The following HEATR3 variants were observed in gnomAD, a reference collection of about 807,000 sequenced individuals.
The protein encoded by HEATR3 is HEAT repeat containing 3.
In HEATR3, 56 loss-of-function variants were observed where a neutral mutation model predicts 72.8. That is an observed-to-expected ratio of 0.77 (90% CI 0.62 to 0.96). HEATR3 has a LOEUF of 0.96. HEATR3 is among the 40% of genes least tolerant of loss of function. The pLI is 0.00. For synonymous variants in HEATR3, 331 were observed against 318.1 expected (o/e 1.04, Z -0.43); for missense variants, 747 against 831.4 (o/e 0.90, Z 1.25).
rs776960993 is a variant in HEATR3, at chr16:50,078,693, A to G, written c.764-48A>G. 1.2e-5 allele frequency: 18 copies of G among 1,547,818 alleles called. No individual in the cohort carries two copies. The Admixed American group carries it at 3.1e-4, about 27-fold the overall frequency. Reference sequence around the variant, plus strand: ...AGTCTTGTGAAAACTTAAACTTAGTAAAATATTTCACAGGCATTTCTTATC... The same window carrying G: ...AGTCTTGTGAAAACTTAAACTTAGTGAAATATTTCACAGGCATTTCTTATC... On this transcript the variant is annotated intron_variant, in intron 6 of 14. Transcript: ENST00000299192.
intron 7 of HEATR3, among the ~76,000 whole-genome samples, chr16:50,080,867 A>G (rs1012231162): frequency 6.6e-6 from 1 of 152,034 alleles, no homozygotes; most frequent in Non-Finnish European, 1.5e-5. Context: ...GTTTCTGTTG[A>G]TCCTATCTGA....
chr16:50,084,716 A>G (rs1251272630), intron 10 of HEATR3, 65 bp downstream of exon 10: 2 of 1,263,548 alleles, frequency 1.6e-6, no homozygotes, highest in East Asian at 4.6e-5. Flanking sequence ...ATGGGCTATT[A>G]AATAGAAGGT....
At chr16:50,104,253 A>T (rs1359511077) in intron 14 of HEATR3, among the ~76,000 whole-genome samples, 1 of 152,070 alleles carries the variant, frequency 6.6e-6, no homozygotes, top group Admixed American at 6.6e-5. Context: ...CTGTGGTGGC[A>T]GAGGCAGGAG....
At chr16:50,081,315 C>T (rs894282811) in intron 7 of HEATR3, among the ~76,000 whole-genome samples, 1 of 152,228 alleles carries the variant, frequency 6.6e-6, no homozygotes, top group South Asian at 2.1e-4. Flanking sequence ...TGGCATGTGC[C>T]TGTAGTCCCA....
At chr16:50,076,013 A>AT (rs1297714565) in intron 6 of HEATR3, among the ~76,000 whole-genome samples, 1 of 100,054 alleles carries the variant, frequency 1.0e-5, no homozygotes, top group African/African-American at 3.3e-5. Flanking sequence ...TTAGTTTTCC[A>AT]TAAGTTTTTT....
chr16:50,079,543 T>C (rs1170980979), intron 7 of HEATR3, among the ~76,000 whole-genome samples: 1 of 152,154 alleles, frequency 6.6e-6, no homozygotes, highest in African/African-American at 2.4e-5. Flanking sequence ...GGCATACTTG[T>C]GCTGGTGGTG....
intron 2 of HEATR3, among the ~76,000 whole-genome samples, chr16:50,067,008 A>G (rs1056884325): frequency 6.6e-6 from 1 of 152,094 alleles, no homozygotes; most frequent in African/African-American, 2.4e-5. Flanking sequence ...AAATAGTGAG[A>G]ATTGCTGTGG....
intron 2 of HEATR3, chr16:50,066,870 A>C: frequency 3.6e-6 from 1 of 279,514 alleles, no homozygotes; most frequent in Non-Finnish European, 6.6e-6. Flanking sequence ...ATCGTTCTAG[A>C]TGCAGGGGAC....
At chr16:50,077,025 G>A (rs1387238732) in intron 6 of HEATR3, among the ~76,000 whole-genome samples, 64 of 151,840 alleles carry the variant, frequency 4.2e-4, no homozygotes, top group African/African-American at 1.4e-3. Flanking sequence ...CTGCCACCAC[G>A]CCCAGCTAAT....
intron 5 of HEATR3, among the ~76,000 whole-genome samples, chr16:50,075,330 A>AAG (rs397957294): frequency 1.3e-5 from 2 of 151,446 alleles, no homozygotes; most frequent in Non-Finnish European, 2.9e-5. Context: ...AAAAAAAAAA[A>AAG]GTATAGATCT....
chr16:50,076,443 C>G (rs2036729823), intron 6 of HEATR3, among the ~76,000 whole-genome samples: 1 of 152,174 alleles, frequency 6.6e-6, no homozygotes, highest in Non-Finnish European at 1.5e-5. Flanking sequence ...CCACCTTGAC[C>G]TCCTAAAGTG....
At chr16:50,086,166 A>T in intron 10 of HEATR3, 49 bp from the exon 11 acceptor site, 7 of 1,522,316 alleles carry the variant, frequency 4.6e-6, no homozygotes, top group Non-Finnish European at 6.2e-6. Context: ...CTGAATTCTG[A>T]TGGGCAACTT....
At position 50,106,936 on chromosome 16, in the gene HEATR3, T is replaced by C. The variant is rs138174723; in HGVS notation, c.*1875T>C. Among the ~76,000 whole-genome samples, 151 of 152,182 alleles carry C rather than the reference T, an allele frequency of 9.9e-4. 2 individuals carry two copies. Among genetic ancestry groups the C allele is most frequent in the African/African-American group, 3.2e-3 (131 of 41,518 alleles). On this transcript the variant is annotated 3_prime_UTR_variant, in exon 15 of 15. Transcript: ENST00000299192. The stretch of plus-strand genomic sequence containing the variant: ...TGTGTATATGGTGGGAAAACAGAAA[T>C]GTATACCATATACAACACCTCGCTT...
At chr16:50,068,664 A>G in intron 2 of HEATR3, 116 bp from the exon 3 acceptor site, 4 of 769,968 alleles carry the variant, frequency 5.2e-6, no homozygotes, top group South Asian at 1.6e-5. Flanking sequence ...GACAGAAACA[A>G]TAAGCTATTT....
chr16:50,080,291 G>T (rs561433545), intron 7 of HEATR3: 1 of 152,074 alleles, frequency 6.6e-6, no homozygotes, highest in Non-Finnish European at 1.5e-5. Context: ...GTTAAGTGCT[G>T]GGACAAATAA....
At chr16:50,089,154 A>G (rs2037053035) in intron 11 of HEATR3, among the ~76,000 whole-genome samples, 2 of 152,292 alleles carry the variant, frequency 1.3e-5, no homozygotes, top group South Asian at 4.1e-4. Context: ...GAATTGTGGG[A>G]AAATATAACT....
At chr16:50,098,815 ATTGT>A (rs754429507) in intron 12 of HEATR3, among the ~76,000 whole-genome samples, 1 of 152,102 alleles carries the variant, frequency 6.6e-6, no homozygotes, top group Non-Finnish European at 1.5e-5. Context: ...TGATATTAAA[ATTGT>A]TTGCTGTAGT....
At position 50,078,996 on chromosome 16, in the gene HEATR3, C is replaced by CT; in HGVS notation, c.1022dup (p.Val342ArgfsTer9). The stretch of plus-strand genomic sequence containing the variant: ...CATAAAAGAAGAGTCAGAAGGAAAA[C>CT]TTTCGTTTCAGATTTACTTCCGGTA... On this transcript the variant is annotated frameshift_variant, in exon 7 of 15. Coordinates refer to ENST00000299192, the MANE Select transcript of HEATR3 (RefSeq NM_182922.4). LOFTEE classifies it high-confidence loss of function. 6.2e-7 allele frequency: 1 copy of CT among 1,612,298 alleles called. No homozygotes were observed. Among genetic ancestry groups the CT allele is most frequent in the Non-Finnish European group, 8.5e-7 (1 of 1,179,198 alleles).
chr16:50,095,405 CTTTTT>C (rs60357183), intron 12 of HEATR3, among the ~76,000 whole-genome samples: 68 of 136,094 alleles, frequency 5.0e-4, no homozygotes, highest in Admixed American at 4.5e-4. Flanking sequence ...CCGTACCCAG[CTTTTT>C]TTTTTTTTTT....
Sources: gnomAD v4.1 joint callset for allele counts (sites outside exome capture counted in the v4.1 genomes callset) on GRCh38, gnomAD v4.1.1 for gene constraint, MANE v1.5 for transcripts, NCBI Gene and HGNC (gene_info 2026-07-23, HGNC 2026-07-21) for gene names.